Variants in AKT3 observed in about 807,000 individuals in gnomAD.
AKT3 encodes the protein RAC-gamma serine/threonine-protein kinase.
Under a neutral mutation model 65.3 loss-of-function variants are expected in AKT3, and 15 were observed. That is an observed-to-expected ratio of 0.23 (90% confidence interval 0.15 to 0.35). The LOEUF (loss-of-function observed/expected upper bound fraction) is 0.35, where lower values mean the gene tolerates loss of function less well. AKT3 is among the 10% of genes least tolerant of loss of function. The pLI is 1.00. For synonymous variants in AKT3, 206 were observed against 183.8 expected, an observed-to-expected ratio of 1.12 and a Z score of -0.98; for missense variants, 243 against 576.5, an observed-to-expected ratio of 0.42 and a Z score of 5.92.
intron 4 of AKT3, among the ~76,000 whole-genome samples, chr1:243,664,109 C>T (rs1210896400): frequency 2.0e-5 from 3 of 150,708 alleles, no homozygotes; most frequent in Admixed American, 6.6e-5. Flanking sequence ...TTTACTATCA[C>T]TAGCCTTGGA....
At chr1:243,559,854 G>A (rs1336333511) in intron 10 of AKT3, among the ~76,000 whole-genome samples, 3 of 152,000 alleles carry the variant, frequency 2.0e-5, no homozygotes, top group African/African-American at 7.3e-5. Context: ...GTACTGTCAC[G>A]AAAAGCCCAG....
At chr1:243,701,113 G>A (rs1275261411) in intron 2 of AKT3, among the ~76,000 whole-genome samples, 3 of 152,198 alleles carry the variant, frequency 2.0e-5, no homozygotes, top group Non-Finnish European at 4.4e-5. Flanking sequence ...AGTCGTAAGT[G>A]TAAAAGCTGA....
intron 2 of AKT3, among the ~76,000 whole-genome samples, chr1:243,742,611 C>T (rs1039785603): frequency 1.3e-4 from 20 of 152,076 alleles, no homozygotes; most frequent in African/African-American, 2.9e-4. Flanking sequence ...GGCGACAGAG[C>T]GAGACTCCAT....
rs116221119 is a variant in AKT3 at position 243,790,804 on chromosome 1, T to C, written c.46+52321A>G. On this transcript the variant is annotated intron_variant, in intron 2 of 13. Transcript: ENST00000673466. ...GTTACTGACTGGACTAATTTCAATA[T>C]TGTTGTGTCTCAGGAGTGAGAGAGA... is the stretch of plus-strand genomic sequence containing the variant. Among the ~76,000 whole-genome samples, 740 of 152,270 alleles carry C rather than the reference T, an allele frequency of 4.9e-3. 5 individuals carry two copies. Among genetic ancestry groups the C allele is most frequent in the African/African-American group, 0.017 (716 of 41,536 alleles).
At chr1:243,563,349 C>A (rs1673926270) in intron 10 of AKT3, among the ~76,000 whole-genome samples, 1 of 152,116 alleles carries the variant, frequency 6.6e-6, no homozygotes, top group South Asian at 2.1e-4. Context: ...AAATTAAAAA[C>A]CACTGTTGTT....
Position 243,705,461 on chromosome 1 carries a change from G to A in AKT3, c.47-9745C>T, listed in dbSNP as rs969319866. Among the ~76,000 whole-genome samples the A allele has an allele frequency of 5.9e-5, 9 of 152,120 alleles. 1 individual carries two copies. The highest frequency in any genetic ancestry group is 4.2e-4 in the South Asian group (2 of 4,814). The stretch of plus-strand genomic sequence containing the variant: ...TTCTGGTATTTGTTTCATGATATTC[G>A]GTAAATTGACTAATCAAATCCTTGT... On this transcript the variant is annotated intron_variant, in intron 2 of 13. Transcript: ENST00000673466.
chr1:243,824,289 C>T (rs1694028685), intron 2 of AKT3, among the ~76,000 whole-genome samples: 1 of 152,104 alleles, frequency 6.6e-6, no homozygotes, highest in African/African-American at 2.4e-5. Context: ...AAACATAAAA[C>T]CCAAAACTAT....
intron 2 of AKT3, among the ~76,000 whole-genome samples, chr1:243,834,685 G>A (rs1057440242): frequency 9.3e-5 from 14 of 150,880 alleles, no homozygotes; most frequent in African/African-American, 3.2e-4. Flanking sequence ...CCCTCAACAC[G>A]CAATTTACCC....
chr1:243,643,430 G>T (rs1345451116), intron 5 of AKT3, among the ~76,000 whole-genome samples: 1 of 152,154 alleles, frequency 6.6e-6, no homozygotes, highest in East Asian at 1.9e-4. Flanking sequence ...TCACATACTT[G>T]ACAAGGCATA....
chr1:243,680,111 G>A (rs951953996), intron 3 of AKT3, among the ~76,000 whole-genome samples: 1 of 152,080 alleles, frequency 6.6e-6, no homozygotes, highest in African/African-American at 2.4e-5. Context: ...ATTCTGGCAG[G>A]TTTCAAAAGC....
chr1:243,499,662 T>C, downstream of AKT3: 1 of 1,027,846 alleles, frequency 9.7e-7, no homozygotes, highest in South Asian at 1.3e-5. Context: ...AACAACAGTT[T>C]TCATCATAAA....
intron 4 of AKT3, among the ~76,000 whole-genome samples, chr1:243,661,262 C>T: frequency 6.6e-6 from 1 of 152,142 alleles, no homozygotes; most frequent in South Asian, 2.1e-4. Context: ...CAATCCTAAG[C>T]CAAAAGAACA....
At chr1:243,723,847 G>T (rs896701846) in intron 2 of AKT3, among the ~76,000 whole-genome samples, 3 of 152,150 alleles carry the variant, frequency 2.0e-5, no homozygotes, top group African/African-American at 7.2e-5. Flanking sequence ...TTGAGCACAG[G>T]AAGTGGAGGA....
intron 3 of AKT3, among the ~76,000 whole-genome samples, chr1:243,688,080 A>G (rs1338634450): frequency 1.3e-5 from 2 of 152,178 alleles, no homozygotes; most frequent in African/African-American, 2.4e-5. Context: ...GAATGTATCA[A>G]ATAATCACAT....
At chr1:243,839,768 GA>G (rs1695123930) in intron 2 of AKT3, among the ~76,000 whole-genome samples, 1 of 143,234 alleles carries the variant, frequency 7.0e-6, no homozygotes, top group African/African-American at 2.6e-5. Flanking sequence ...ATAGTCTTAC[GA>G]AAAAAGACTA....
At chr1:243,806,258 TC>T (rs1225933415) in intron 2 of AKT3, among the ~76,000 whole-genome samples, 2 of 152,200 alleles carry the variant, frequency 1.3e-5, no homozygotes, top group East Asian at 3.8e-4. Context: ...GTTTTTCATC[TC>T]ACCCAATAAC....
chr1:243,693,271 T>TAC (rs1408700519), intron 3 of AKT3, among the ~76,000 whole-genome samples: 1 of 103,166 alleles, frequency 9.7e-6, no homozygotes. Flanking sequence ...TATATATATA[T>TAC]ATATATATAT....
intron 11 of AKT3, among the ~76,000 whole-genome samples, chr1:243,550,615 T>G (rs187138734): frequency 6.6e-6 from 1 of 151,490 alleles, no homozygotes; most frequent in Non-Finnish European, 1.5e-5. Flanking sequence ...ATTCACTGCC[T>G]CGAATACCAA....
intron 12 of AKT3, among the ~76,000 whole-genome samples, chr1:243,543,711 TTGTC>T (rs1340128325): frequency 3.9e-5 from 6 of 152,274 alleles, no homozygotes; most frequent in South Asian, 2.1e-4. Flanking sequence ...GGATATAAAA[TTGTC>T]TGTAAGAAGT....
Sources: allele counts gnomAD v4.1 joint callset (sites outside exome capture counted in the v4.1 genomes callset), GRCh38; gene constraint gnomAD v4.1.1; transcripts MANE v1.5; gene names NCBI Gene and HGNC (gene_info 2026-07-23, HGNC 2026-07-21).